NF1: variants seen among roughly 807,000 people sequenced by gnomAD.
The protein encoded by NF1 is neurofibromin.
NF1 carries 122 observed loss-of-function variants against 325.7 expected under a neutral mutation model. The ratio of observed to expected loss-of-function variants is 0.37; its 90% CI spans 0.32 to 0.44. The LOEUF is 0.44. Among genes scored for constraint, NF1 ranks in the 20% least tolerant of loss-of-function variants. NF1 has a pLI of 1.00. For synonymous variants in NF1, 1,091 were observed against 1,186.0 expected (o/e 0.92, Z 1.65); for missense variants, 2,140 against 3,415.4 (o/e 0.63, Z 9.31).
chr17:31,243,641 C>T (rs1020938304), intron 29 of NF1, among the ~76,000 whole-genome samples: 2 of 152,122 alleles, frequency 1.3e-5, no homozygotes, highest in South Asian at 2.1e-4. Context: ...GATGTTCACT[C>T]AAGGCCCAAG....
At chr17:31,323,486 A>T (rs2069265426) in intron 36 of NF1, among the ~76,000 whole-genome samples, 1 of 152,124 alleles carries the variant, frequency 6.6e-6, no homozygotes, top group East Asian at 1.9e-4. Context: ...CTGCATTTTT[A>T]TCAAGCACCA....
At chr17:31,200,289 GA>G (rs1340021130) in intron 8 of NF1, 132 bp from the exon 9 acceptor site, 1 of 766,786 alleles carries the variant, frequency 1.3e-6, no homozygotes, top group East Asian at 2.7e-5. Flanking sequence ...TTATGAAATT[GA>G]AAACCACAAA....
At chr17:31,321,608 T>C (rs541820093) in intron 36 of NF1, 17 of 152,032 alleles carry the variant, frequency 1.1e-4, no homozygotes, top group African/African-American at 3.9e-4. Context: ...TTAAAGTAAA[T>C]CTGCAGTAAA....
At chr17:31,322,216 C>G (rs538024225) in intron 36 of NF1, among the ~76,000 whole-genome samples, 47 of 152,190 alleles carry the variant, frequency 3.1e-4, no homozygotes, top group Admixed American at 2.6e-3. Context: ...CGGTGGCTCA[C>G]ACCTGTAATC....
At chr17:31,195,799 A>G (rs1395649718) in intron 8 of NF1, among the ~76,000 whole-genome samples, 1 of 151,926 alleles carries the variant, frequency 6.6e-6, no homozygotes, top group Non-Finnish European at 1.5e-5. Context: ...TCCATTGTAT[A>G]TATATACCAA....
In NF1 at chr17:31,214,586, G is replaced by T. The variant is rs1060500331; in HGVS notation, c.1527+1G>T. 1 of 1,612,662 alleles carries T rather than the reference G, an allele frequency of 6.2e-7. No homozygotes were observed. On this transcript the variant is annotated splice_donor_variant, in intron 13 of 57. Transcript: ENST00000358273. LOFTEE classifies it high-confidence loss of function. ...TGCAGATCCAAAGCTCTTGCTTTGT[G>T]TAAGTATTTTTTTATGAAATGTCTC...
At chr17:31,244,554 C>A (rs2151446680) in intron 29 of NF1, among the ~76,000 whole-genome samples, 1 of 152,264 alleles carries the variant, frequency 6.6e-6, no homozygotes, top group South Asian at 2.1e-4. Flanking sequence ...TGAGCACCAG[C>A]TGAGCTCTGC....
chr17:31,111,119 T>G lies in NF1; in HGVS notation c.60+15750T>G, dbSNP rs188871619. ...ATTGACATTAATCTGAAATTAATTA[T>G]TCATTGTACCGGTTCAGTAGCAGAC... On this transcript the variant is annotated intron_variant, in intron 1 of 57. Transcript: ENST00000358273. Among the ~76,000 whole-genome samples, 596 of 152,054 alleles carry G rather than the reference T, an allele frequency of 3.9e-3. 5 individuals are homozygous for G. The highest frequency in any genetic ancestry group is 0.014 in the African/African-American group (576 of 41,466).
At chr17:31,351,469 T>C (rs1175935442) in intron 50 of NF1, among the ~76,000 whole-genome samples, 1 of 152,094 alleles carries the variant, frequency 6.6e-6, no homozygotes, top group Non-Finnish European at 1.5e-5. Flanking sequence ...CAGGCTGGAG[T>C]GCAGTAACAC....
At chr17:31,323,202 A>G (rs2069255848) in intron 36 of NF1, among the ~76,000 whole-genome samples, 1 of 152,110 alleles carries the variant, frequency 6.6e-6, no homozygotes, top group Non-Finnish European at 1.5e-5. Context: ...ATTCGAGACC[A>G]GCCTGGGCAG....
chr17:31,305,415 A>G (rs769251597), intron 36 of NF1: 2 of 1,614,160 alleles, frequency 1.2e-6, no homozygotes, highest in South Asian at 1.1e-5. Context: ...GTCCAGAAAA[A>G]GTGTCGCTGA....
Position 31,334,959 on chromosome 17 carries a change from G to T in NF1, c.5934G>T (p.Leu1978=). 1 of 1,613,150 alleles carries T rather than the reference G, an allele frequency of 6.2e-7. No homozygotes were observed. The highest frequency in any genetic ancestry group is 1.1e-5 in the South Asian group (1 of 91,034). The change falls in exon 40 of 58, where the codon CTG becomes CTT. Residue 1978 remains leucine (L), a synonymous_variant. Coordinates refer to ENST00000358273, the MANE Select transcript of NF1 (RefSeq NM_001042492.3). ...GAGTTACTGCTATTCTTGACAAGCT[G>T]ATAACAATGACCATCAATGAAAAAC... ...RQRVTAILDK[L]ITMTINEKQM...
rs141124255 is a variant in NF1 at position 31,305,982 on chromosome 17, G to A, written c.4836-19838G>A. Among the ~76,000 whole-genome samples, 694 of 152,162 alleles carry A rather than the reference G, an allele frequency of 4.6e-3. 6 individuals carry two copies. Among genetic ancestry groups the A allele is most frequent in the African/African-American group, 0.016 (665 of 41,482 alleles). On this transcript the variant is annotated intron_variant, in intron 36 of 57. Coordinates refer to ENST00000358273, the MANE Select transcript of NF1 (RefSeq NM_001042492.3). Reference sequence around the variant, plus strand: ...CAAAACGCATAGGCTCTATATGCTGGATCCATGTGTTCTCTACCTTTTTTC... The same window carrying A: ...CAAAACGCATAGGCTCTATATGCTGAATCCATGTGTTCTCTACCTTTTTTC...
intron 31 of NF1, among the ~76,000 whole-genome samples, chr17:31,254,738 C>G (rs2067553616): frequency 6.6e-6 from 1 of 150,816 alleles, no homozygotes; most frequent in Non-Finnish European, 1.5e-5. Flanking sequence ...GTTTTTTTTT[C>G]TACTAGAGTT....
rs765690267 is a variant in NF1 at position 31,200,402 on chromosome 17, G to A, written c.889-20G>A. On this transcript the variant is annotated intron_variant, in intron 8 of 57. Coordinates refer to ENST00000358273, the MANE Select transcript of NF1 (RefSeq NM_001042492.3). ...AAGAAACTTCATATATTATCTTATC[G>A]CTATATTTGAATTCTGTAGAAGTTA... 8 of 1,611,270 alleles carry A rather than the reference G, an allele frequency of 5.0e-6. No homozygotes were observed. The East Asian group carries it at 1.1e-4, about 22-fold the overall frequency.
At chr17:31,236,066 TTTTTG>T in intron 29 of NF1, 45 bp downstream of exon 29, 10 of 1,460,000 alleles carry the variant, frequency 6.8e-6, no homozygotes, top group Admixed American at 1.7e-5. Flanking sequence ...TGTTTTTTTT[TTTTTG>T]TTTGTTTGTT....
chr17:31,255,471 T>C (rs1363619945), intron 31 of NF1, among the ~76,000 whole-genome samples: 1 of 152,198 alleles, frequency 6.6e-6, no homozygotes. Context: ...TTATGTAGCA[T>C]TTTTATTGGT....
chr17:31,168,388 C>A (rs965014571), intron 4 of NF1, among the ~76,000 whole-genome samples: 1 of 152,124 alleles, frequency 6.6e-6, no homozygotes, highest in African/African-American at 2.4e-5. Flanking sequence ...TCCTTAATAT[C>A]ATGCATTGCC....
At chr17:31,325,768 A>G (rs2151537238) in intron 36 of NF1, 52 bp from the exon 37 acceptor site, 1 of 1,355,458 alleles carries the variant, frequency 7.4e-7, no homozygotes, top group Non-Finnish European at 1.1e-6. Flanking sequence ...GCATCTGTAT[A>G]TTTATTTTAA....
Sources: gnomAD v4.1 joint callset for allele counts (sites outside exome capture counted in the v4.1 genomes callset) on GRCh38, gnomAD v4.1.1 for gene constraint, MANE v1.5 for transcripts, NCBI Gene and HGNC (gene_info 2026-07-23, HGNC 2026-07-21) for gene names.